The following NEXMIF variants were observed in gnomAD, a reference collection of about 807,000 sequenced individuals.
NEXMIF encodes the protein neurite extension and migration factor.
In NEXMIF, 8 loss-of-function variants were observed where a neutral mutation model predicts 62.1. The observed-to-expected ratio is 0.13, with a 90% CI of 0.08 to 0.23. NEXMIF has a LOEUF of 0.23. Among genes scored for constraint, NEXMIF ranks in the 10% least tolerant of loss-of-function variants. The pLI is 1.00. For synonymous variants in NEXMIF, 404 were observed against 416.6 expected (o/e 0.97, Z 0.37); for missense variants, 976 against 1,113.3 (o/e 0.88, Z 1.75).
At chrX:74,820,686 C>A (rs188364672) in intron 1 of NEXMIF, among the ~76,000 whole-genome samples, 1 of 111,921 alleles carries the variant, frequency 8.9e-6, no homozygotes, top group East Asian at 2.8e-4. Flanking sequence ...AGAATGAAAT[C>A]ATGTCCTTTG....
chrX:74,856,359 T>C (rs1018100044), intron 1 of NEXMIF, among the ~76,000 whole-genome samples: 30 of 111,697 alleles, frequency 2.7e-4, no homozygotes, highest in African/African-American at 8.1e-4. Context: ...TGAAGATATA[T>C]TGATTGAGAT....
At chrX:74,787,778 A>C (rs989597521) in intron 1 of NEXMIF, among the ~76,000 whole-genome samples, 1 of 112,270 alleles carries the variant, frequency 8.9e-6, no homozygotes, top group Admixed American at 9.5e-5. Flanking sequence ...GGTTGAAAAA[A>C]ACCTGACAAC....
At chrX:74,873,484 A>G (rs1217615233) in intron 1 of NEXMIF, among the ~76,000 whole-genome samples, 1 of 112,213 alleles carries the variant, frequency 8.9e-6, no homozygotes, top group African/African-American at 3.2e-5. Flanking sequence ...AGCATGATTT[A>G]AAGTCCTTTG....
intron 1 of NEXMIF, among the ~76,000 whole-genome samples, chrX:74,821,663 C>G (rs1162843307): frequency 9.0e-6 from 1 of 111,719 alleles, no homozygotes; most frequent in South Asian, 3.8e-4. Context: ...GCAAGATTAA[C>G]TGGAAGCAAG....
intron 1 of NEXMIF, among the ~76,000 whole-genome samples, chrX:74,832,266 T>G (rs2080440463): frequency 8.9e-6 from 1 of 111,751 alleles, no homozygotes; most frequent in African/African-American, 3.2e-5. Context: ...TTTATTATGG[T>G]TTTGATCTCA....
chrX:74,810,684 C>T (rs1484214649), intron 1 of NEXMIF, among the ~76,000 whole-genome samples: 1 of 109,059 alleles, frequency 9.2e-6, no homozygotes, highest in East Asian at 2.8e-4. Context: ...CTAGCTCTGA[C>T]ATTGTTACGT....
At chrX:74,872,961 T>A (rs758364901) in intron 1 of NEXMIF, among the ~76,000 whole-genome samples, 19 of 110,601 alleles carry the variant, frequency 1.7e-4, no homozygotes, top group South Asian at 7.7e-4. Flanking sequence ...TTATTTTTTT[T>A]AAAATTGTTT....
chrX:74,866,889 C>T (rs1462984685), intron 1 of NEXMIF, among the ~76,000 whole-genome samples: 12 of 112,220 alleles, frequency 1.1e-4, no homozygotes, highest in Admixed American at 1.0e-3. Context: ...TATAAACTAC[C>T]CAGTCTCGGG....
In NEXMIF at chrX:74,743,712, G is replaced by A. The variant is rs905643548; in HGVS notation, c.845C>T (p.Ser282Phe). 1 of 1,210,109 alleles carries A rather than the reference G, an allele frequency of 8.3e-7. No individual in the cohort carries two copies. The highest frequency in any genetic ancestry group is 1.7e-5 in the African/African-American group (1 of 57,232). ...LLDLCSKNEL[S>F]VNLFSEEDVD... is the part of the protein sequence containing the mutation. ...ATCTTCTTCAGAGAATAGGTTGACA[G>A]ACAGCTCATTTTTGGAACAGAGGTC... Residue 282 changes from serine to phenylalanine, a missense_variant, in exon 3 of 4, where the codon TCT (serine) becomes TTT (phenylalanine). Ser to Phe is a radical substitution (Grantham distance 155). This residue lies in a region of NEXMIF where 45 missense variants were observed against 86.8 expected (regional missense o/e 0.52). Transcript: ENST00000055682.
intron 1 of NEXMIF, among the ~76,000 whole-genome samples, chrX:74,915,631 A>G (rs1215919229): frequency 8.9e-6 from 1 of 112,066 alleles, no homozygotes; most frequent in Non-Finnish European, 1.9e-5. Flanking sequence ...ATCCATCCAG[A>G]TAGACCAAAT....
chrX:74,738,755 C>G lies in NEXMIF; in HGVS notation c.*650G>C, dbSNP rs1476098732. The G allele has an allele frequency of 1.8e-5, 2 of 109,423 alleles. No homozygotes were observed. Among genetic ancestry groups the G allele is most frequent in the Non-Finnish European group, 1.9e-5 (1 of 52,427 alleles). The allele number at this position is 109,423 out of a possible 1,213,427, so 9.0% of individuals were successfully genotyped here. On this transcript the variant is annotated 3_prime_UTR_variant, in exon 4 of 4. Transcript: ENST00000055682. ...CCCTTACACAATGGAACAAGAAAAT[C>G]TTTATTTTGCCTTGTTTAGCTGTTC...
intron 1 of NEXMIF, among the ~76,000 whole-genome samples, chrX:74,914,653 C>G (rs1481389825): frequency 8.9e-6 from 1 of 111,853 alleles, no homozygotes; most frequent in East Asian, 2.8e-4. Flanking sequence ...TGCACTCCAG[C>G]CTGGGCAACA....
At chrX:74,906,445 A>C (rs2080769687) in intron 1 of NEXMIF, among the ~76,000 whole-genome samples, 1 of 110,744 alleles carries the variant, frequency 9.0e-6, no homozygotes, top group African/African-American at 3.3e-5. Context: ...ATTACAAGAT[A>C]TGGGTTCCTG....
rs1023456336 is a variant in NEXMIF, at chrX:74,879,083, T to C, written c.-48+45800A>G. ...ACCACTGTGTTACAATTTTCTACAGTATCCAGTACAGTAACATGCTGTGAG... is the reference window on the plus strand; with the variant it reads ...ACCACTGTGTTACAATTTTCTACAGCATCCAGTACAGTAACATGCTGTGAG... On this transcript the variant is annotated intron_variant, in intron 1 of 3. Transcript: ENST00000055682. Among the ~76,000 whole-genome samples, 3 of 112,388 alleles carry C rather than the reference T, an allele frequency of 2.7e-5. No individual in the cohort carries two copies. In the Admixed American group the frequency reaches 2.8e-4, roughly 11 times the overall value.
chrX:74,890,629 C>T (rs189408403), intron 1 of NEXMIF, among the ~76,000 whole-genome samples: 63 of 111,461 alleles, frequency 5.7e-4, no homozygotes, highest in African/African-American at 2.0e-3. Flanking sequence ...TCAACAGAAC[C>T]CGCAGCCACA....
At chrX:74,817,682 G>A (rs775877700) in intron 1 of NEXMIF, among the ~76,000 whole-genome samples, 37 of 111,231 alleles carry the variant, frequency 3.3e-4, no homozygotes, top group African/African-American at 9.8e-4. Context: ...AGGGCTTTAA[G>A]GTAGATAAAG....
intron 1 of NEXMIF, among the ~76,000 whole-genome samples, chrX:74,872,600 T>C (rs1005258216): frequency 1.8e-5 from 2 of 109,498 alleles, no homozygotes; most frequent in East Asian, 5.7e-4. Context: ...CTGTAGTAAA[T>C]TATGTTTTAC....
intron 1 of NEXMIF, among the ~76,000 whole-genome samples, chrX:74,891,848 G>T (rs1178857644): frequency 8.9e-6 from 1 of 111,859 alleles, no homozygotes; most frequent in Non-Finnish European, 1.9e-5. Context: ...ATTTGATTCA[G>T]TCTCTTCTAC....
intron 1 of NEXMIF, among the ~76,000 whole-genome samples, chrX:74,837,125 C>T (rs1423664899): frequency 9.4e-6 from 1 of 105,850 alleles, no homozygotes; most frequent in African/African-American, 3.3e-5. Flanking sequence ...CACTCTCCCT[C>T]CTGAAAGTGC....
Sources: gnomAD v4.1 joint callset for allele counts (sites outside exome capture counted in the v4.1 genomes callset) on GRCh38, gnomAD v4.1.1 for gene constraint, gnomAD v4.1.1 regional missense constraint, MANE v1.5 for transcripts, NCBI Gene and HGNC (gene_info 2026-07-23, HGNC 2026-07-21) for gene names.